The following PAK1 variants were observed in gnomAD, a reference collection of about 807,000 sequenced individuals.
The protein encoded by PAK1 is serine/threonine-protein kinase PAK 1.
A neutral mutation model predicts 67.4 loss-of-function variants in PAK1; 29 were observed. That is an observed-to-expected ratio of 0.43 (90% CI 0.32 to 0.59). PAK1 has a LOEUF of 0.59. Among genes scored for constraint, PAK1 ranks in the 20% least tolerant of loss-of-function variants. The pLI, the probability that PAK1 is intolerant of heterozygous loss-of-function variation, is 0.07. For synonymous variants in PAK1, 223 were observed against 237.4 expected (o/e 0.94, Z 0.56); for missense variants, 337 against 670.7 (o/e 0.50, Z 5.50).
chr11:77,390,533 G>A (rs1004627602), intron 2 of PAK1, among the ~76,000 whole-genome samples: 4 of 151,552 alleles, frequency 2.6e-5, no homozygotes, highest in African/African-American at 4.9e-5. Flanking sequence ...ATCTCACTCT[G>A]TCACCCAGGC....
At chr11:77,401,742 T>C (rs926446405) in intron 1 of PAK1, among the ~76,000 whole-genome samples, 2 of 152,144 alleles carry the variant, frequency 1.3e-5, no homozygotes, top group Admixed American at 6.5e-5. Flanking sequence ...TATGAAACCT[T>C]CACAGAAGCC....
At chr11:77,490,027 C>G in the PAK1 span, among the ~76,000 whole-genome samples, 3 of 151,338 alleles carry the variant, frequency 2.0e-5, no homozygotes, top group Non-Finnish European at 4.4e-5. Context: ...CGGCCGCCAT[C>G]CCATCTAGGA....
intron 1 of PAK1, among the ~76,000 whole-genome samples, chr11:77,437,920 G>A (rs1465450142): frequency 6.6e-6 from 1 of 152,162 alleles, no homozygotes; most frequent in African/African-American, 2.4e-5. Flanking sequence ...CACTGGAACT[G>A]AGGTCTCCTG....
intron 2 of PAK1, among the ~76,000 whole-genome samples, chr11:77,382,978 CAG>C (rs1201821393): frequency 1.3e-5 from 2 of 152,130 alleles, no homozygotes; most frequent in African/African-American, 4.8e-5. Flanking sequence ...GCCTGGGTGA[CAG>C]AGTGAGGCTG....
chr11:77,438,490 T>A (rs936019113), intron 1 of PAK1, among the ~76,000 whole-genome samples: 1 of 152,178 alleles, frequency 6.6e-6, no homozygotes, highest in Non-Finnish European at 1.5e-5. Flanking sequence ...GCTCTATAAA[T>A]GTTTGTGGAT....
At chr11:77,397,426 T>C (rs936015584) in intron 1 of PAK1, among the ~76,000 whole-genome samples, 4 of 152,204 alleles carry the variant, frequency 2.6e-5, no homozygotes, top group East Asian at 1.9e-4. Context: ...ATCGCCCCTG[T>C]AGAAGTCCCA....
chr11:77,351,089 G>A (rs1299146171), intron 8 of PAK1, among the ~76,000 whole-genome samples: 1 of 152,014 alleles, frequency 6.6e-6, no homozygotes, highest in Non-Finnish European at 1.5e-5. Flanking sequence ...TAATCTTCAG[G>A]TCTTAAAGGA....
In PAK1 at chr11:77,352,940, ACATATGACTAT is replaced by A. The variant is rs761038462; in HGVS notation, c.836+585_836+595del. 7.0e-4 allele frequency among the ~76,000 whole-genome samples: 106 copies of A among 152,300 alleles called. 1 individual carries two copies. Among genetic ancestry groups the A allele is most frequent in the Non-Finnish European group, 9.3e-4 (63 of 68,020 alleles). On this transcript the variant is annotated intron_variant, in intron 8 of 14. Transcript: ENST00000356341. ...CAGAACATATCCCCTTTGTTAGGCA[ACATATGACTAT>A]ACAATTGTTTGCCTATCTTTTTCTG... is the stretch of plus-strand genomic sequence containing the variant.
At chr11:77,369,509 A>G (rs1948125042) in intron 5 of PAK1, among the ~76,000 whole-genome samples, 1 of 133,850 alleles carries the variant, frequency 7.5e-6, no homozygotes, top group Admixed American at 9.0e-5. Context: ...GGGCAGTGGC[A>G]TAATCTCAGC....
chr11:77,374,558 G>C (rs932989430), intron 4 of PAK1, among the ~76,000 whole-genome samples, 193 bp from the exon 5 acceptor site: 1 of 152,106 alleles, frequency 6.6e-6, no homozygotes, highest in Non-Finnish European at 1.5e-5. Context: ...TTATGGCTCT[G>C]AGTACTATTA....
At chr11:77,492,863 C>T in the PAK1 span, among the ~76,000 whole-genome samples, 2 of 152,054 alleles carry the variant, frequency 1.3e-5, no homozygotes, top group Admixed American at 1.3e-4. Context: ...GCTTTTGATC[C>T]TGCTCTGGCC....
At chr11:77,511,083 T>C in the PAK1 span, among the ~76,000 whole-genome samples, 1 of 152,214 alleles carries the variant, frequency 6.6e-6, no homozygotes, top group Non-Finnish European at 1.5e-5. Flanking sequence ...GAACCAACCA[T>C]TATACAGTAT....
chr11:77,458,912 C>G (rs906003943), intron 1 of PAK1, among the ~76,000 whole-genome samples: 1 of 152,094 alleles, frequency 6.6e-6, no homozygotes, highest in African/African-American at 2.4e-5. Flanking sequence ...CAGCAAAGAA[C>G]AAAACAAAGT....
intron 5 of PAK1, among the ~76,000 whole-genome samples, chr11:77,372,623 C>T (rs1034716496): frequency 2.0e-5 from 3 of 152,130 alleles, no homozygotes; most frequent in Admixed American, 6.5e-5. Context: ...GTTCTTTAAG[C>T]GTCTCATCAC....
chr11:77,373,372 T>A (rs916352977), intron 5 of PAK1, among the ~76,000 whole-genome samples: 1 of 151,836 alleles, frequency 6.6e-6, no homozygotes, highest in Non-Finnish European at 1.5e-5. Context: ...CCAAAACTTT[T>A]AAAAAATTGT....
the PAK1 span, among the ~76,000 whole-genome samples, chr11:77,504,742 G>A: frequency 5.3e-5 from 8 of 152,142 alleles, no homozygotes; most frequent in African/African-American, 1.7e-4. Flanking sequence ...GCTGAGGTAG[G>A]GACTTGAAAT....
intron 1 of PAK1, among the ~76,000 whole-genome samples, chr11:77,429,459 C>T (rs1955758699): frequency 6.6e-6 from 1 of 152,136 alleles, no homozygotes; most frequent in Non-Finnish European, 1.5e-5. Context: ...CTGGTAGACA[C>T]CACCTTAAGC....
At chr11:77,343,706 A>C in intron 10 of PAK1, 113 bp downstream of exon 10, 1 of 704,484 alleles carries the variant, frequency 1.4e-6, no homozygotes, top group South Asian at 1.7e-5. Flanking sequence ...GCATCACAGA[A>C]GACTCATAAA....
intron 5 of PAK1, among the ~76,000 whole-genome samples, chr11:77,363,048 C>A (rs768110758): frequency 6.6e-6 from 1 of 151,974 alleles, no homozygotes; most frequent in Non-Finnish European, 1.5e-5. Flanking sequence ...TTTTAACAGG[C>A]CAGTTAAAAA....
Sources: allele counts gnomAD v4.1 joint callset (sites outside exome capture counted in the v4.1 genomes callset), GRCh38; gene constraint gnomAD v4.1.1; transcripts MANE v1.5; gene names NCBI Gene and HGNC (gene_info 2026-07-23, HGNC 2026-07-21).